SPTBN5: variants seen among roughly 807,000 people sequenced by gnomAD.
SPTBN5 encodes spectrin beta, non-erythrocytic 5, also known as spectrin beta chain, non-erythrocytic 5.
In SPTBN5, 513 loss-of-function variants were observed where a neutral mutation model predicts 477.6. The ratio of observed to expected loss-of-function variants is 1.07; its 90% CI spans 1.00 to 1.16. The LOEUF is 1.16. SPTBN5 is among the 50% of genes most tolerant of loss of function. The probability of loss-of-function intolerance (pLI) is 0.00; values close to 1 mark genes in which losing one functional copy is unlikely to be tolerated. For missense variants in SPTBN5, 5,062 were observed against 4,731.8 expected, an observed-to-expected ratio of 1.07 and a Z score of -2.05; for synonymous variants, 2,169 against 2,011.7, an observed-to-expected ratio of 1.08 and a Z score of -2.09.
Position 41,864,042 on chromosome 15 carries a change from G to C in SPTBN5, c.6919-18C>G, listed in dbSNP as rs982164941. The C allele has an allele frequency of 1.3e-6, 2 of 1,599,936 alleles. No individual in the cohort carries two copies. The highest frequency in any genetic ancestry group is 2.7e-5 in the African/African-American group (2 of 74,686). On this transcript the variant is annotated intron_variant, in intron 39 of 67. Coordinates refer to ENST00000320955, the MANE Select transcript of SPTBN5 (RefSeq NM_016642.4). ...ACTGTGTCCTGCAGGGGAGGTATGG[G>C]TGAGGGCATTGGCACCCCCCATGCA...
In SPTBN5 at chr15:41,876,920, A is replaced by G. The variant is rs1049544291; in HGVS notation, c.3740T>C (p.Leu1247Pro). The G allele has an allele frequency of 1.2e-6, 2 of 1,609,748 alleles. No individual in the cohort carries two copies. The highest frequency in any genetic ancestry group is 1.7e-6 in the Non-Finnish European group (2 of 1,179,424). ...CCGCCCAAACTCCCGGTGCTGCTGC[A>G]GCAGGCTCAGGGCCTCCCTCACGTC... ...GEDVREALSL[L>P]QQHREFGRLL... Residue 1247 changes from leucine to proline, a missense_variant, in exon 19 of 68, where the codon CTG becomes CCG. Transcript: ENST00000320955.
At chr15:41,893,766 G>T in intron 1 of SPTBN5, 133 bp downstream of exon 1, 1 of 575,498 alleles carries the variant, frequency 1.7e-6, no homozygotes, top group Non-Finnish European at 3.1e-6. Flanking sequence ...AGCCCCTGCT[G>T]CCAGGTCCCT....
Position 41,850,947 on chromosome 15 carries a change from C to CTA in SPTBN5, c.10836-9_10836-8insTA, listed in dbSNP as rs563507116. The CTA allele has an allele frequency of 6.3e-6, 10 of 1,596,692 alleles. No homozygotes were observed. The highest frequency in any genetic ancestry group is 2.3e-5 in the South Asian group (2 of 88,158). On this transcript the variant is annotated splice_polypyrimidine_tract_variant and intron_variant, in intron 65 of 67. Transcript: ENST00000320955. ...TCTGCCCCACTGGTCAGCCTGGCAC[C>CTA]CACAGTCACAGGTCAAACTCCACTG...
Position 41,852,896 on chromosome 15 carries a change from A to C in SPTBN5, c.10275T>G (p.Leu3425=). ...RCAESWGLQK[L]RQRLEQAEAW... is the part of the protein sequence containing the mutation. ...CCTCAGCCTGCTCCAGCCTCTGCCG[A>C]AGCTTCTGCAGGCCCCAGCTCTCGG... The change falls in exon 60 of 68, where the codon CTT becomes CTG. Residue 3425 remains leucine, a synonymous_variant. Coordinates refer to ENST00000320955, the MANE Select transcript of SPTBN5 (RefSeq NM_016642.4). 2 of 1,607,840 alleles carry C rather than the reference A, an allele frequency of 1.2e-6. No homozygotes were observed. The highest frequency in any genetic ancestry group is 8.5e-7 in the Non-Finnish European group (1 of 1,176,756).
chr15:41,869,694 G>T, intron 32 of SPTBN5, 147 bp downstream of exon 32: 2 of 861,908 alleles, frequency 2.3e-6, no homozygotes, highest in Non-Finnish European at 3.2e-6. Context: ...TGACCAGCCA[G>T]ACTGACATCC....
At chr15:41,852,537 C>T in intron 61 of SPTBN5, 97 bp downstream of exon 61, 3 of 1,404,018 alleles carry the variant, frequency 2.1e-6, no homozygotes, top group Non-Finnish European at 2.0e-6. Context: ...TAAGGCAGGG[C>T]CGGGTGAGGG....
At chr15:41,882,229 CG>C (rs1456666901) in intron 11 of SPTBN5, 39 bp downstream of exon 11, 1 of 1,263,850 alleles carries the variant, frequency 7.9e-7, no homozygotes, top group Admixed American at 2.8e-5. Context: ...CCCGCCTCGC[CG>C]GGCCCCGCCC....
In SPTBN5 at chr15:41,880,283, C is replaced by A. The variant is rs1467730729; in HGVS notation, c.2688G>T (p.Met896Ile). 3.1e-6 allele frequency: 5 copies of A among 1,606,886 alleles called. No homozygotes were observed. Among genetic ancestry groups the A allele is most frequent in the Non-Finnish European group, 3.4e-6 (4 of 1,177,416 alleles). Residue 896 changes from methionine to isoleucine, a missense_variant, in exon 14 of 68, where the codon ATG becomes ATT. By Grantham distance (10) the Met-to-Ile change is conservative. Transcript: ENST00000320955. Reference sequence around the variant, plus strand: ...AGGAACTGCAGAAACCGAACAGGGCCATGGCCTCCTCCAACCGGGCCCTGC... The same window carrying A: ...AGGAACTGCAGAAACCGAACAGGGCAATGGCCTCCTCCAACCGGGCCCTGC... The part of the protein sequence containing the change: ...QLRRARLEEA[M>I]ALFGFCSSCG...
chr15:41,864,586 T>G (rs2066234134), intron 39 of SPTBN5, among the ~76,000 whole-genome samples: 1 of 152,206 alleles, frequency 6.6e-6, no homozygotes, highest in African/African-American at 2.4e-5. Context: ...ACTGCTGGGA[T>G]TACAAGCGTG....
Position 41,857,689 on chromosome 15 carries a change from C to G in SPTBN5, c.8248G>C (p.Gly2750Arg), listed in dbSNP as rs1202392870. ...ATGGCCTCCGAGGCTGGGTGGCCCCCCTGCAGCAGCCTCTGTCCCTCCTGC... is the reference window on the plus strand; with the variant it reads ...ATGGCCTCCGAGGCTGGGTGGCCCCGCTGCAGCAGCCTCTGTCCCTCCTGC... ...LQREGQRLLQ[G>R]GHPASEAIQE... The change falls in exon 50 of 68, where the codon GGG becomes CGG. Residue 2750 changes from glycine to arginine, a missense_variant. Physicochemically the swap from Gly to Arg is moderately radical, Grantham distance 125. Transcript: ENST00000320955. The G allele has an allele frequency of 1.3e-6, 2 of 1,578,630 alleles. No homozygotes were observed. The highest frequency in any genetic ancestry group is 1.8e-5 in the Admixed American group (1 of 55,404).
Position 41,853,700 on chromosome 15 carries a change from C to G in SPTBN5, c.9862G>C (p.Gly3288Arg). 6.3e-7 allele frequency: 1 copy of G among 1,598,534 alleles called. No homozygotes were observed. ...CAGGCCTCCTGCACCTTGGCCAGGC[C>G]CCCCGGAGCTGCAGGATGTAGCTGG... is the stretch of plus-strand genomic sequence containing the variant. Reference protein sequence around the residue: ...LGQLHPAAPGGLAKVQEAWAT... With the variant: ...LGQLHPAAPGRLAKVQEAWAT... Residue 3288 changes from glycine (G) to arginine (R), a missense_variant, in exon 58 of 68, where the codon GGC (glycine) becomes CGC (arginine). Gly to Arg is a moderately radical substitution (Grantham distance 125). Transcript: ENST00000320955.
chr15:41,875,079 C>T (rs1345703832), intron 22 of SPTBN5, 23 bp from the exon 23 acceptor site: 1 of 1,591,756 alleles, frequency 6.3e-7, no homozygotes, highest in Non-Finnish European at 8.6e-7. Flanking sequence ...CATGGAGCTG[C>T]ATTAGGTTCT....
intron 3 of SPTBN5, among the ~76,000 whole-genome samples, chr15:41,891,218 A>G (rs188849766): frequency 2.0e-5 from 3 of 152,322 alleles, no homozygotes; most frequent in Admixed American, 6.5e-5. Flanking sequence ...ACAGCAGGCA[A>G]TCGATCAGTA....
intron 3 of SPTBN5, among the ~76,000 whole-genome samples, chr15:41,891,295 C>G (rs1018022675): frequency 6.6e-6 from 1 of 152,166 alleles, no homozygotes; most frequent in Admixed American, 6.5e-5. Flanking sequence ...TGGCTTCAGC[C>G]GGCCACTACT....
Position 41,883,040 on chromosome 15 carries a change from T to C in SPTBN5, c.1848A>G (p.Thr616=). ...CCAGGCTCTGTTGGAGCTGGGCCAG[T>C]GTCCTGGCCTTGGCCTGCAGCACCT... The part of the protein sequence containing the change: ...SVEVLQAKAR[T]LAQLQQSLVA... Residue 616 remains threonine (T), a synonymous_variant, in exon 9 of 68, where the codon ACA becomes ACG. Coordinates refer to ENST00000320955, the MANE Select transcript of SPTBN5 (RefSeq NM_016642.4). 6.4e-7 allele frequency: 1 copy of C among 1,563,812 alleles called. No individual in the cohort carries two copies.
Position 41,878,610 on chromosome 15 carries a change from C to T in SPTBN5, c.3202G>A (p.Ala1068Thr), listed in dbSNP as rs374501580. Reference sequence around the variant, plus strand: ...TGTCCTTGCAGAGGCTGGCTCTCTGCGTAGCCTGGCTCCTCGACCCTGGGA... The same window carrying T: ...TGTCCTTGCAGAGGCTGGCTCTCTGTGTAGCCTGGCTCCTCGACCCTGGGA... The part of the protein sequence containing the change: ...VVVKVEEPGY[A>T]ESQPLQGQVE... The change falls in exon 17 of 68, where the codon GCA becomes ACA. Residue 1068 changes from alanine to threonine, a missense_variant. Physicochemically the swap from Ala to Thr is moderately conservative, Grantham distance 58. Coordinates refer to ENST00000320955, the MANE Select transcript of SPTBN5 (RefSeq NM_016642.4). 53 of 1,611,200 alleles carry T rather than the reference C, an allele frequency of 3.3e-5. No individual in the cohort carries two copies. The highest frequency in any genetic ancestry group is 8.9e-5 in the East Asian group (4 of 44,832).
intron 66 of SPTBN5, chr15:41,850,493 G>A (rs2065716788): frequency 3.7e-6 from 1 of 270,108 alleles, no homozygotes; most frequent in African/African-American, 2.2e-5. Flanking sequence ...GGTTAGAGAA[G>A]CACCCAGATC....
Position 41,879,327 on chromosome 15 carries a change from G to A in SPTBN5, c.3115C>T (p.Gln1039Ter). The change falls in exon 16 of 68, where the codon CAG becomes TAG. Residue 1039 changes from glutamine to a stop codon, truncating the protein, a stop_gained. Coordinates refer to ENST00000320955, the MANE Select transcript of SPTBN5 (RefSeq NM_016642.4). LOFTEE classifies it high-confidence loss of function. ...ACCAGGGTCTTCTTCTGGGCCAGCT[G>A]CAGGGCGTGGCAGGTGTCCTCTGAG... is the stretch of plus-strand genomic sequence containing the variant. ...GSSEDTCHAL[Q>*]LAQKKTLVLE... 1.2e-6 allele frequency: 2 copies of A among 1,609,724 alleles called. No individual in the cohort carries two copies. Among genetic ancestry groups the A allele is most frequent in the Non-Finnish European group, 8.5e-7 (1 of 1,179,664 alleles).
chr15:41,887,090 T>C lies in SPTBN5; in HGVS notation c.888+123A>G, dbSNP rs556669600. ...ATCATCATCTCCATGTGATAGAGGG[T>C]GCACAGTGAAGTTGGGTGACTTGGC... On this transcript the variant is annotated intron_variant, in intron 6 of 67. Coordinates refer to ENST00000320955, the MANE Select transcript of SPTBN5 (RefSeq NM_016642.4). 3.7e-6 allele frequency: 3 copies of C among 806,340 alleles called. No homozygotes were observed. In the African/African-American group the frequency reaches 5.1e-5, roughly 14 times the overall value. 49.9% of individuals were successfully genotyped at this position (806,340 alleles called of 1,614,324 possible). A position where few individuals can be genotyped will look rare whatever the true frequency, so the allele number is the denominator to read the frequency against.
Sources: allele counts gnomAD v4.1 joint callset (sites outside exome capture counted in the v4.1 genomes callset), GRCh38; gene constraint gnomAD v4.1.1; transcripts MANE v1.5; gene names NCBI Gene and HGNC (gene_info 2026-07-23, HGNC 2026-07-21).